CDKAL1: variants seen among roughly 807,000 people sequenced by gnomAD.
CDKAL1 encodes the protein CDKAL1 threonylcarbamoyladenosine tRNA methylthiotransferase.
In CDKAL1, 32 loss-of-function variants were observed where a neutral mutation model predicts 68.2. That is an observed-to-expected ratio of 0.47 (90% confidence interval 0.35 to 0.63). The LOEUF (loss-of-function observed/expected upper bound fraction) is 0.63, where lower values mean the gene tolerates loss of function less well. Ranked by LOEUF, CDKAL1 falls within the 30% of genes least tolerant of loss-of-function variation. CDKAL1 has a pLI of 0.00. For synonymous variants in CDKAL1, 234 were observed against 244.3 expected, an observed-to-expected ratio of 0.96 and a Z score of 0.39; for missense variants, 606 against 696.7, an observed-to-expected ratio of 0.87 and a Z score of 1.47.
At chr6:20,576,908 G>T (rs545478561) in intron 4 of CDKAL1, among the ~76,000 whole-genome samples, 1 of 152,202 alleles carries the variant, frequency 6.6e-6, no homozygotes, top group South Asian at 2.1e-4. Flanking sequence ...TATGGCACAG[G>T]TATATATATA....
intron 5 of CDKAL1, among the ~76,000 whole-genome samples, chr6:20,667,412 A>G (rs1024676643): frequency 6.6e-6 from 1 of 152,128 alleles, no homozygotes; most frequent in African/African-American, 2.4e-5. Flanking sequence ...GTGCGAATGT[A>G]CCTCAGTTTT....
At chr6:20,733,409 C>T (rs559908832) in intron 5 of CDKAL1, among the ~76,000 whole-genome samples, 1 of 152,304 alleles carries the variant, frequency 6.6e-6, no homozygotes, top group Non-Finnish European at 1.5e-5. Context: ...ACATGAAATG[C>T]TTGTGAACAA....
intron 9 of CDKAL1, among the ~76,000 whole-genome samples, chr6:20,912,876 T>G (rs1033780150): frequency 2.6e-5 from 4 of 152,144 alleles, no homozygotes; most frequent in Non-Finnish European, 5.9e-5. Flanking sequence ...ACATCATATT[T>G]ACTGATTCTC....
chr6:21,201,397 A>T (rs2151109363), intron 15 of CDKAL1, 123 bp downstream of exon 15: 1 of 755,374 alleles, frequency 1.3e-6, no homozygotes, highest in Non-Finnish European at 2.0e-6. Context: ...ATGAGGCTTT[A>T]ATCCTTTCTG....
At chr6:20,638,932 T>C (rs970280338) in intron 4 of CDKAL1, among the ~76,000 whole-genome samples, 8 of 152,014 alleles carry the variant, frequency 5.3e-5, no homozygotes, top group Non-Finnish European at 1.2e-4. Flanking sequence ...GCGCCCGGCC[T>C]AGGGATTCTC....
At chr6:20,891,562 G>A (rs1310545388) in intron 9 of CDKAL1, among the ~76,000 whole-genome samples, 1 of 134,682 alleles carries the variant, frequency 7.4e-6, no homozygotes, top group Admixed American at 8.0e-5. Context: ...TTGAGACGGA[G>A]TCTCACTCTG....
At chr6:20,775,508 A>G (rs969312924) in intron 7 of CDKAL1, among the ~76,000 whole-genome samples, 8 of 152,186 alleles carry the variant, frequency 5.3e-5, no homozygotes, top group Non-Finnish European at 8.8e-5. Flanking sequence ...TCTTTGTCTC[A>G]TGGTCCTTTC....
intron 4 of CDKAL1, among the ~76,000 whole-genome samples, chr6:20,557,784 C>G (rs1234656095): frequency 6.6e-6 from 1 of 151,916 alleles, no homozygotes; most frequent in African/African-American, 2.4e-5. Flanking sequence ...AAAATTAGCC[C>G]AGCGTGGTGG....
intron 5 of CDKAL1, among the ~76,000 whole-genome samples, chr6:20,713,667 A>G (rs1333904999): frequency 2.6e-5 from 4 of 152,206 alleles, no homozygotes; most frequent in African/African-American, 9.6e-5. Context: ...AAAGATTTTT[A>G]TGATCGATTT....
At chr6:21,057,691 C>T (rs1351007611) in intron 11 of CDKAL1, among the ~76,000 whole-genome samples, 2 of 151,846 alleles carry the variant, frequency 1.3e-5, no homozygotes, top group East Asian at 3.9e-4. Context: ...ACTGTTAGCT[C>T]ATAGATTCTG....
intron 5 of CDKAL1, among the ~76,000 whole-genome samples, chr6:20,710,493 A>C (rs1303929462): frequency 6.6e-6 from 1 of 152,228 alleles, no homozygotes; most frequent in African/African-American, 2.4e-5. Context: ...ATATTCACAC[A>C]GTGATGAAAT....
intron 1 of CDKAL1, 144 bp from the exon 2 acceptor site, chr6:20,535,207 G>A (rs1354402091): frequency 6.6e-6 from 1 of 152,348 alleles, no homozygotes; most frequent in Non-Finnish European, 1.5e-5. Context: ...TCAGTAAGAA[G>A]TTACAAGTAG....
intron 8 of CDKAL1, among the ~76,000 whole-genome samples, chr6:20,844,649 A>G (rs981448057): frequency 2.0e-5 from 3 of 151,654 alleles, no homozygotes; most frequent in Non-Finnish European, 4.4e-5. Context: ...CAGGAGTTTG[A>G]GACCAACCTG....
intron 9 of CDKAL1, among the ~76,000 whole-genome samples, chr6:20,943,374 T>G (rs543277938): frequency 1.3e-5 from 2 of 151,526 alleles, no homozygotes; most frequent in Non-Finnish European, 2.9e-5. Flanking sequence ...AAAAAGTAAT[T>G]TGTTTGTGTA....
chr6:21,139,536 A>T (rs6916667), intron 13 of CDKAL1, among the ~76,000 whole-genome samples: 38,697 of 151,818 alleles, frequency 0.25, 5,002 homozygotes, highest in South Asian at 0.34. Flanking sequence ...TCCCCTTGAA[A>T]CAGGGTCTCT....
chr6:20,812,281 A>G (rs1314900686), intron 8 of CDKAL1, among the ~76,000 whole-genome samples: 2 of 152,180 alleles, frequency 1.3e-5, no homozygotes, highest in Non-Finnish European at 2.9e-5. Flanking sequence ...ATTTTTAACC[A>G]TGAATCATTA....
In CDKAL1 at chr6:20,560,153, T is replaced by C. The variant is rs964199193; in HGVS notation, c.286+11448T>C. Among the ~76,000 whole-genome samples the C allele has an allele frequency of 2.6e-5, 4 of 152,246 alleles. No homozygotes were observed. In the East Asian group the frequency reaches 7.7e-4, roughly 29 times the overall value. The stretch of plus-strand genomic sequence containing the variant: ...CATTACATGATCACTGCAGTTACAC[T>C]ATTATAAATGAAAGTGAATTTCATG... On this transcript the variant is annotated intron_variant, in intron 4 of 15. Transcript: ENST00000274695.
intron 13 of CDKAL1, among the ~76,000 whole-genome samples, chr6:21,111,847 A>T (rs897692665): frequency 6.6e-6 from 1 of 152,196 alleles, no homozygotes; most frequent in Non-Finnish European, 1.5e-5. Flanking sequence ...ACAAAAGTTA[A>T]CTCCCATTTA....
intron 15 of CDKAL1, among the ~76,000 whole-genome samples, chr6:21,223,849 C>G (rs1444599344): frequency 6.6e-6 from 1 of 152,180 alleles, no homozygotes; most frequent in East Asian, 1.9e-4. Flanking sequence ...GCTAGCTCAG[C>G]AAGTCTGTTA....
Sources: allele counts gnomAD v4.1 joint callset (sites outside exome capture counted in the v4.1 genomes callset), GRCh38; gene constraint gnomAD v4.1.1; transcripts MANE v1.5; gene names NCBI Gene and HGNC (gene_info 2026-07-23, HGNC 2026-07-21).